Variants in PTPRD observed in about 807,000 individuals in gnomAD.
The protein encoded by PTPRD is protein tyrosine phosphatase receptor type D, also known as receptor-type tyrosine-protein phosphatase delta.
A neutral mutation model predicts 214.5 loss-of-function variants in PTPRD; 34 were observed. The observed-to-expected ratio is 0.16, with a 90% CI of 0.12 to 0.21. PTPRD has a LOEUF of 0.21. Among genes scored for constraint, PTPRD ranks in the 10% least tolerant of loss-of-function variants. The pLI, the probability that PTPRD is intolerant of heterozygous loss-of-function variation, is 1.00. For missense variants in PTPRD, 2,545 were observed against 2,398.7 expected (o/e 1.06, Z -1.27); for synonymous variants, 1,128 against 845.7 (o/e 1.33, Z -5.79).
At chr9:10,047,574 T>A (rs186575142) in intron 3 of PTPRD, among the ~76,000 whole-genome samples, 2 of 152,028 alleles carry the variant, frequency 1.3e-5, no homozygotes, top group African/African-American at 4.8e-5. Context: ...GCCCACATAC[T>A]TTTTTGTTCC....
At chr9:9,815,463 T>A (rs73641358) in intron 5 of PTPRD, among the ~76,000 whole-genome samples, 7,164 of 152,194 alleles carry the variant, frequency 0.047, 537 homozygotes, top group African/African-American at 0.16. Context: ...GGGAAATGAT[T>A]TTTTTAGATG....
At chr9:9,569,132 T>A (rs1421966537) in intron 8 of PTPRD, among the ~76,000 whole-genome samples, 2 of 151,782 alleles carry the variant, frequency 1.3e-5, no homozygotes, top group African/African-American at 4.8e-5. Context: ...ATTGTCATCA[T>A]CTGCAGCGAG....
chr9:9,923,464 G>A (rs989145072), intron 5 of PTPRD, among the ~76,000 whole-genome samples: 2 of 145,476 alleles, frequency 1.4e-5, no homozygotes, highest in Non-Finnish European at 3.0e-5. Flanking sequence ...TTAAACTATA[G>A]AAGAAAATTT....
intron 3 of PTPRD, among the ~76,000 whole-genome samples, chr9:10,077,493 T>C (rs1281315220): frequency 6.6e-6 from 1 of 152,178 alleles, no homozygotes; most frequent in Non-Finnish European, 1.5e-5. Context: ...GGAGTATTTA[T>C]TACTTTTTTT....
intron 3 of PTPRD, among the ~76,000 whole-genome samples, chr9:10,172,811 T>C (rs2099218610): frequency 6.6e-6 from 1 of 152,200 alleles, no homozygotes; most frequent in Non-Finnish European, 1.5e-5. Flanking sequence ...TGGGTTATGG[T>C]ATATATGTGA....
Position 8,617,485 on chromosome 9 carries a change from G to C in PTPRD, c.352+15832C>G, listed in dbSNP as rs143933313. Among the ~76,000 whole-genome samples, 694 of 152,164 alleles carry C rather than the reference G, an allele frequency of 4.6e-3. 20 individuals carry two copies. Among genetic ancestry groups the C allele is most frequent in the Admixed American group, 0.042 (647 of 15,248 alleles). ...GATTACTAGGCTACAATCAACATCA[G>C]ATATGTCACTTAGATGTCCCAACTT... On this transcript the variant is annotated intron_variant, in intron 14 of 45. Transcript: ENST00000381196.
chr9:10,417,870 T>C (rs1379193714), intron 2 of PTPRD, among the ~76,000 whole-genome samples: 1 of 151,718 alleles, frequency 6.6e-6, no homozygotes, highest in Non-Finnish European at 1.5e-5. Context: ...CCAGCAGCAC[T>C]TCAGTTTTAA....
At chr9:10,360,243 A>T (rs1252861458) in intron 2 of PTPRD, among the ~76,000 whole-genome samples, 1 of 152,222 alleles carries the variant, frequency 6.6e-6, no homozygotes, top group Non-Finnish European at 1.5e-5. Flanking sequence ...TGGATTATCA[A>T]TCCTGGCTTC....
intron 11 of PTPRD, among the ~76,000 whole-genome samples, chr9:8,770,446 G>T (rs2095118158): frequency 6.6e-6 from 1 of 151,620 alleles, no homozygotes; most frequent in African/African-American, 2.4e-5. Flanking sequence ...TATGAGCTTT[G>T]TCTATTTTCT....
intron 5 of PTPRD, among the ~76,000 whole-genome samples, chr9:9,836,140 G>A (rs1251305952): frequency 1.3e-5 from 2 of 152,146 alleles, no homozygotes; most frequent in Non-Finnish European, 1.5e-5. Flanking sequence ...AATGTTTAAG[G>A]AAATGGGAAT....
chr9:10,321,401 G>A (rs1220032904), intron 3 of PTPRD, among the ~76,000 whole-genome samples: 2 of 151,894 alleles, frequency 1.3e-5, no homozygotes, highest in Non-Finnish European at 2.9e-5. Context: ...ATGAGTAGTA[G>A]GTGCAACAAA....
intron 14 of PTPRD, among the ~76,000 whole-genome samples, chr9:8,611,794 G>T: frequency 7.9e-6 from 1 of 126,548 alleles, no homozygotes; most frequent in Non-Finnish European, 1.7e-5. Flanking sequence ...GGAGGGGAGA[G>T]AAAAGAAAAA....
chr9:9,378,112 T>A (rs1352946168), intron 9 of PTPRD, among the ~76,000 whole-genome samples: 1 of 152,076 alleles, frequency 6.6e-6, no homozygotes, highest in Non-Finnish European at 1.5e-5. Flanking sequence ...ACATTAGGGT[T>A]CGCTCTTGGT....
At chr9:8,883,178 C>T (rs1044825248) in intron 11 of PTPRD, among the ~76,000 whole-genome samples, 3 of 152,146 alleles carry the variant, frequency 2.0e-5, no homozygotes, top group African/African-American at 7.2e-5. Flanking sequence ...TCTAATTCCA[C>T]AACAATCTTG....
chr9:9,422,428 G>C (rs2079149709), intron 8 of PTPRD, among the ~76,000 whole-genome samples: 1 of 152,114 alleles, frequency 6.6e-6, no homozygotes, highest in East Asian at 1.9e-4. Flanking sequence ...AGAGCTACTA[G>C]AAAATCTTTA....
At chr9:9,444,840 C>T (rs2089787764) in intron 8 of PTPRD, among the ~76,000 whole-genome samples, 1 of 152,068 alleles carries the variant, frequency 6.6e-6, no homozygotes, top group Admixed American at 6.5e-5. Context: ...ATCTCTACAA[C>T]TATTAGATTT....
At chr9:10,328,595 C>A (rs996233130) in intron 3 of PTPRD, among the ~76,000 whole-genome samples, 1 of 151,622 alleles carries the variant, frequency 6.6e-6, no homozygotes, top group Non-Finnish European at 1.5e-5. Context: ...AGAGTTTTCC[C>A]GAGACTTTGA....
intron 5 of PTPRD, among the ~76,000 whole-genome samples, chr9:9,871,776 G>A (rs561532075): frequency 1.3e-5 from 2 of 152,206 alleles, no homozygotes; most frequent in East Asian, 3.9e-4. Flanking sequence ...CATGGGCAGA[G>A]GGTAAGCAAC....
intron 10 of PTPRD, among the ~76,000 whole-genome samples, chr9:9,167,102 G>A (rs2099905861): frequency 1.3e-5 from 2 of 152,086 alleles, no homozygotes; most frequent in South Asian, 4.1e-4. Flanking sequence ...GACAAATAGT[G>A]GACCTGATAT....
Sources: gnomAD v4.1 joint callset for allele counts (sites outside exome capture counted in the v4.1 genomes callset) on GRCh38, gnomAD v4.1.1 for gene constraint, MANE v1.5 for transcripts, NCBI Gene and HGNC (gene_info 2026-07-23, HGNC 2026-07-21) for gene names.